Variants in ARHGAP39 observed in about 807,000 individuals in gnomAD.
The protein encoded by ARHGAP39 is Rho GTPase activating protein 39.
Under a neutral mutation model 106.9 loss-of-function variants are expected in ARHGAP39, and 44 were observed. That is an observed-to-expected ratio of 0.41 (90% CI 0.32 to 0.53). The LOEUF (loss-of-function observed/expected upper bound fraction) is 0.53. Among genes scored for constraint, ARHGAP39 ranks in the 20% least tolerant of loss-of-function variants. ARHGAP39 has a pLI of 0.21. For missense variants in ARHGAP39, 1,496 were observed against 1,577.3 expected, an observed-to-expected ratio of 0.95 and a Z score of 0.87; for synonymous variants, 768 against 693.2, an observed-to-expected ratio of 1.11 and a Z score of -1.69.
At chr8:144,550,171 A>C (rs1386897427) in intron 4 of ARHGAP39, among the ~76,000 whole-genome samples, 1 of 152,176 alleles carries the variant, frequency 6.6e-6, no homozygotes, top group Non-Finnish European at 1.5e-5. Flanking sequence ...CTACTCAGGA[A>C]GCTGGGGTGG....
rs1821477558 is a variant in ARHGAP39 at position 144,647,557 on chromosome 8, A to G, written c.-82+38129T>C. Among the ~76,000 whole-genome samples the G allele has an allele frequency of 1.3e-5, 2 of 152,248 alleles. No homozygotes were observed. Among genetic ancestry groups the G allele is most frequent in the South Asian group, 4.1e-4 (2 of 4,838 alleles). On this transcript the variant is annotated intron_variant, in intron 1 of 11. Transcript: ENST00000377307. This position sits in a 1 kb window ranked among gnomAD's most constrained non-coding sequence, Gnocchi z 4.8. ...GTGCACTGCTGTCAGCCACGCCTGA[A>G]CAGAGACTCTCATTCTTCCTGAGGA...
intron 3 of ARHGAP39, among the ~76,000 whole-genome samples, chr8:144,572,255 C>T (rs547666675): frequency 1.2e-4 from 18 of 152,302 alleles, no homozygotes; most frequent in Admixed American, 1.0e-3. Flanking sequence ...ACCAAAAGAG[C>T]ATGGTACTGG....
chr8:144,579,647 G>A (rs1818895573), intron 3 of ARHGAP39, among the ~76,000 whole-genome samples: 1 of 152,062 alleles, frequency 6.6e-6, no homozygotes, highest in Non-Finnish European at 1.5e-5. Context: ...CTCCCTCTGT[G>A]CCTGCACCTC....
intron 1 of ARHGAP39, among the ~76,000 whole-genome samples, chr8:144,620,057 TGA>T: frequency 7.2e-6 from 1 of 139,840 alleles, no homozygotes; most frequent in Middle Eastern, 5.0e-3. Flanking sequence ...TGTGCGTCCC[TGA>T]GAGCGTGTCT....
chr8:144,546,952 G>A (rs1340039780), intron 5 of ARHGAP39, among the ~76,000 whole-genome samples, 175 bp downstream of exon 5: 1 of 152,218 alleles, frequency 6.6e-6, no homozygotes, highest in African/African-American at 2.4e-5. Flanking sequence ...TGGACTCCCA[G>A]CTGAGCCCTG....
chr8:144,561,772 G>A (rs1056586408), intron 3 of ARHGAP39, among the ~76,000 whole-genome samples: 8 of 145,938 alleles, frequency 5.5e-5, no homozygotes, highest in South Asian at 2.2e-4. Flanking sequence ...GGTTTCCATC[G>A]GACTTACTCC....
intron 2 of ARHGAP39, among the ~76,000 whole-genome samples, chr8:144,588,975 A>G (rs146595036): frequency 0.02 from 3,032 of 152,346 alleles, 74 homozygotes; most frequent in Admixed American, 0.064. Context: ...ACAGGAGCCC[A>G]GGGACATCAG....
At chr8:144,592,228 T>C (rs1160186895) in intron 2 of ARHGAP39, among the ~76,000 whole-genome samples, 3 of 151,904 alleles carry the variant, frequency 2.0e-5, no homozygotes, top group Non-Finnish European at 4.4e-5. Flanking sequence ...TGTGGGCACC[T>C]CCTGGGGGAC....
At chr8:144,576,064 G>T (rs947598540) in intron 3 of ARHGAP39, among the ~76,000 whole-genome samples, 14 of 152,258 alleles carry the variant, frequency 9.2e-5, no homozygotes, top group Admixed American at 7.8e-4. Context: ...CGGGCATGGT[G>T]GCTCACGCCT....
chr8:144,618,386 C>T (rs1820694126), intron 1 of ARHGAP39, among the ~76,000 whole-genome samples: 1 of 152,374 alleles, frequency 6.6e-6, no homozygotes, highest in South Asian at 2.1e-4. Flanking sequence ...ATCCACTTCA[C>T]AGTTTACTGA....
intron 9 of ARHGAP39, 136 bp from the exon 10 acceptor site, chr8:144,532,532 T>C (rs944473425): frequency 2.8e-6 from 2 of 725,140 alleles, no homozygotes; most frequent in South Asian, 1.8e-5. Flanking sequence ...GCCACCCCGG[T>C]TGGCCTCTTT....
chr8:144,627,012 G>A (rs796847982), intron 1 of ARHGAP39, among the ~76,000 whole-genome samples: 5 of 152,312 alleles, frequency 3.3e-5, no homozygotes, highest in African/African-American at 9.6e-5. Context: ...GGATCCCCCC[G>A]CAAAAACACC....
Position 144,537,809 on chromosome 8 carries a change from T to C in ARHGAP39, c.2526A>G (p.Thr842=), listed in dbSNP as rs375961404. 1.8e-5 allele frequency: 29 copies of C among 1,613,890 alleles called. No homozygotes were observed. The highest frequency in any genetic ancestry group is 2.3e-5 in the Non-Finnish European group (27 of 1,179,908). Reference sequence around the variant, plus strand: ...TTTCCAGGAGCTCTTTTATGTGCTGTGTCACTGGGGAGCAAAGACAACCAT... The same window carrying C: ...TTTCCAGGAGCTCTTTTATGTGCTGCGTCACTGGGGAGCAAAGACAACCAT... ...HMDPVNDTKV[T]QHIKELLERN... Residue 842 remains threonine, a synonymous_variant, in exon 7 of 12, where the codon ACA becomes ACG. Coordinates refer to ENST00000377307, the MANE Select transcript of ARHGAP39 (RefSeq NM_025251.3).
chr8:144,571,183 AAG>A (rs1307909677), intron 3 of ARHGAP39, among the ~76,000 whole-genome samples: 2 of 152,346 alleles, frequency 1.3e-5, no homozygotes, highest in East Asian at 3.9e-4. Context: ...CAACAAAAAA[AAG>A]AGAATTTTAT....
In ARHGAP39 at chr8:144,547,330, C is replaced by T. The variant is rs1207400029; in HGVS notation, c.1756G>A (p.Glu586Lys). Residue 586 changes from glutamate (E) to lysine (K), a missense_variant, in exon 5 of 12, where the codon GAG becomes AAG. By Grantham distance (56) the Glu-to-Lys change is moderately conservative. Transcript: ENST00000377307. This position sits in a 1 kb window ranked among gnomAD's most constrained non-coding sequence, Gnocchi z 5.2. ...WDSQQDGSGY[E>K]SDGALPLPMP... ...GGCAGTGGCAGGGCGCCGTCGCTCTCGTAGCCAGAGCCGTCCTGCTGGGAG... is the reference window on the plus strand; with the variant it reads ...GGCAGTGGCAGGGCGCCGTCGCTCTTGTAGCCAGAGCCGTCCTGCTGGGAG... 6.2e-7 allele frequency: 1 copy of T among 1,608,660 alleles called. No homozygotes were observed.
chr8:144,531,033 A>C (rs1409765766), intron 10 of ARHGAP39, among the ~76,000 whole-genome samples, 162 bp from the exon 11 acceptor site: 3 of 152,226 alleles, frequency 2.0e-5, no homozygotes, highest in African/African-American at 7.2e-5. Flanking sequence ...CCCTGACCCC[A>C]GAGGGCCTTT....
At chr8:144,602,828 C>CTGTG (rs1820094258) in intron 2 of ARHGAP39, among the ~76,000 whole-genome samples, 2 of 100,540 alleles carry the variant, frequency 2.0e-5, no homozygotes, top group Admixed American at 1.2e-4. Context: ...GCTCGTGTAC[C>CTGTG]TGTGTGCATG....
intron 1 of ARHGAP39, among the ~76,000 whole-genome samples, chr8:144,662,718 AC>A (rs1212517405): frequency 6.2e-5 from 5 of 80,814 alleles, no homozygotes; most frequent in Non-Finnish European, 1.0e-4. Context: ...TTGGGCCATT[AC>A]CCGCCTCCCC....
intron 1 of ARHGAP39, among the ~76,000 whole-genome samples, chr8:144,656,516 T>C (rs940981593): frequency 1.3e-5 from 2 of 151,908 alleles, no homozygotes; most frequent in Non-Finnish European, 2.9e-5. Flanking sequence ...AAAGTTAGTC[T>C]AAGGGGCCAG....
Sources: gnomAD v4.1 joint callset for allele counts (sites outside exome capture counted in the v4.1 genomes callset) on GRCh38, gnomAD v4.1.1 for gene constraint, Gnocchi (gnomAD v3.1) non-coding constraint, MANE v1.5 for transcripts, NCBI Gene and HGNC (gene_info 2026-07-23, HGNC 2026-07-21) for gene names.